SPATA2: variants seen among roughly 807,000 people sequenced by gnomAD.
The protein encoded by SPATA2 is spermatogenesis associated 2.
Under a neutral mutation model 35.4 loss-of-function variants are expected in SPATA2, and 8 were observed. The observed-to-expected ratio is 0.23, with a 90% confidence interval of 0.13 to 0.41. The LOEUF (loss-of-function observed/expected upper bound fraction) is 0.41. Ranked by LOEUF, SPATA2 falls within the 10% of genes least tolerant of loss-of-function variation. The pLI, the probability that SPATA2 is intolerant of heterozygous loss-of-function variation, is 1.00. For missense variants in SPATA2, 650 were observed against 698.7 expected (o/e 0.93, Z 0.79); for synonymous variants, 293 against 300.9 (o/e 0.97, Z 0.27).
At chr20:49,909,263 T>C (rs1288442610) in intron 1 of SPATA2, among the ~76,000 whole-genome samples, 2 of 151,972 alleles carry the variant, frequency 1.3e-5, no homozygotes, top group Non-Finnish European at 2.9e-5. Flanking sequence ...CCTCAAGTGA[T>C]CCACCAGCCT....
chr20:49,908,544 G>A lies in SPATA2; in HGVS notation c.-54C>T. ...CCATGGCTTCTGGATTAGAGGCAGG[G>A]ACATCACTAAAAGCATGGACATGTT... On this transcript the variant is annotated 5_prime_UTR_variant, in exon 2 of 3. Coordinates refer to ENST00000289431, the MANE Select transcript of SPATA2 (RefSeq NM_006038.4). 6.9e-7 allele frequency: 1 copy of A among 1,441,382 alleles called. No homozygotes were observed. Among genetic ancestry groups the A allele is most frequent in the Non-Finnish European group, 9.5e-7 (1 of 1,053,698 alleles). 89.3% of individuals were successfully genotyped at this position (1,441,382 alleles called of 1,614,324 possible). A position where few individuals can be genotyped will look rare whatever the true frequency, so the allele number is the denominator to read the frequency against.
intron 1 of SPATA2, chr20:49,913,873 G>A (rs1325558977): frequency 6.6e-6 from 1 of 152,060 alleles, no homozygotes; most frequent in Non-Finnish European, 1.5e-5. Flanking sequence ...TCTGAGCACA[G>A]AGCCAGCAAT....
intron 2 of SPATA2, among the ~76,000 whole-genome samples, 174 bp downstream of exon 2, chr20:49,907,981 G>A (rs1261459596): frequency 6.6e-6 from 1 of 152,234 alleles, no homozygotes; most frequent in Non-Finnish European, 1.5e-5. Context: ...AGGTGTGGCA[G>A]CCGGGCCAGA....
intron 1 of SPATA2, among the ~76,000 whole-genome samples, chr20:49,911,402 G>A (rs562238432): frequency 2.0e-5 from 3 of 152,022 alleles, no homozygotes; most frequent in Admixed American, 6.6e-5. Flanking sequence ...GGTGGCTCAC[G>A]CCTGTAATCT....
At position 49,906,326 on chromosome 20, in the gene SPATA2, C is replaced by G; in HGVS notation, c.856G>C (p.Asp286His). 3.7e-6 allele frequency: 6 copies of G among 1,605,664 alleles called. No individual in the cohort carries two copies. Among genetic ancestry groups the G allele is most frequent in the East Asian group, 2.2e-5 (1 of 44,766 alleles). ...GGGCGGATGATCTCATCCTTGAGGT[C>G]GTCCCCCACATCCGTTGCCACAGGC... Reference protein sequence around the residue: ...KEPVATDVGDDLKDEIIRPSP... With the variant: ...KEPVATDVGDHLKDEIIRPSP... Residue 286 changes from aspartate (D) to histidine (H), a missense_variant, in exon 3 of 3, where the codon GAC (aspartate) becomes CAC (histidine). Coordinates refer to ENST00000289431, the MANE Select transcript of SPATA2 (RefSeq NM_006038.4). The surrounding 1 kb of genome is among the most constrained non-coding windows in gnomAD (Gnocchi z 8.2).
In SPATA2 at chr20:49,905,660, T is replaced by C. The variant is rs1359039196; in HGVS notation, c.1522A>G (p.Asn508Asp). ...TGGGAGAGCTGGGTGGACTTGTAGT[T>C]CAGCTGGTTGTTGGGCATGAACTTG... ...LHKFMPNNQL[N>D]YKSTQLSHLV... The change falls in exon 3 of 3, where the codon AAC (asparagine) becomes GAC (aspartate). Residue 508 changes from asparagine (N) to aspartate (D), a missense_variant. Transcript: ENST00000289431. 1.2e-6 allele frequency: 2 copies of C among 1,614,100 alleles called. No individual in the cohort carries two copies. The highest frequency in any genetic ancestry group is 8.5e-7 in the Non-Finnish European group (1 of 1,180,040).
chr20:49,907,961 T>C (rs1568907480), intron 2 of SPATA2, among the ~76,000 whole-genome samples, 194 bp downstream of exon 2: 2 of 152,196 alleles, frequency 1.3e-5, no homozygotes, highest in African/African-American at 2.4e-5. Context: ...CTTCCCAGCT[T>C]CTCTGCTTAA....
chr20:49,908,115 GAGA>G (rs767967891), intron 2 of SPATA2, 37 bp downstream of exon 2: 19 of 1,547,248 alleles, frequency 1.2e-5, no homozygotes, highest in East Asian at 6.8e-5. Flanking sequence ...GGCAGGAAGA[GAGA>G]AGGAGGGCCT....
chr20:49,905,691 C>T lies in SPATA2; in HGVS notation c.1491G>A (p.Glu497=). ...YHYDPCYKKS[E]LHKFMPNNQL... ...GGTTGTTGGGCATGAACTTGTGCAG[C>T]TCACTCTTTTTGTAGCAGGGGTCAT... Residue 497 remains glutamate (E), a synonymous_variant, in exon 3 of 3, where the codon GAG becomes GAA. Coordinates refer to ENST00000289431, the MANE Select transcript of SPATA2 (RefSeq NM_006038.4). 2 of 1,614,234 alleles carry T rather than the reference C, an allele frequency of 1.2e-6. No homozygotes were observed. Among genetic ancestry groups the T allele is most frequent in the Non-Finnish European group, 8.5e-7 (1 of 1,180,048 alleles).
chr20:49,914,941 G>A (rs2146839080), intron 1 of SPATA2, among the ~76,000 whole-genome samples: 1 of 152,294 alleles, frequency 6.6e-6, no homozygotes, highest in East Asian at 1.9e-4. Flanking sequence ...CTCCACTCCA[G>A]CCCTAGCAAC....
intron 1 of SPATA2, among the ~76,000 whole-genome samples, chr20:49,910,177 C>T (rs992143905): frequency 1.3e-5 from 2 of 152,224 alleles, no homozygotes; most frequent in Admixed American, 1.3e-4. Context: ...CGCAGGGTCA[C>T]GGACACGGGG....
At chr20:49,912,481 T>C (rs142713283) in intron 1 of SPATA2, among the ~76,000 whole-genome samples, 18 of 152,330 alleles carry the variant, frequency 1.2e-4, no homozygotes, top group African/African-American at 2.4e-4. Context: ...CTGGAGAGGA[T>C]AGTCACACAT....
At position 49,906,223 on chromosome 20, in the gene SPATA2, C is replaced by T. The variant is rs751566309; in HGVS notation, c.959G>A (p.Gly320Asp). 5.1e-6 allele frequency: 8 copies of T among 1,569,858 alleles called. No individual in the cohort carries two copies. The highest frequency in any genetic ancestry group is 1.8e-5 in the Admixed American group (1 of 56,466). The part of the protein sequence containing the change: ...DVLPPASPSN[G>D]PALLRGTYFS... ...GTAGGTACCGCGCAGCAGGGCCGGG[C>T]CGTTGCTGGGGGAGGCGGGTGGAAG... is the stretch of plus-strand genomic sequence containing the variant. Residue 320 changes from glycine (G) to aspartate (D), a missense_variant, in exon 3 of 3, where the codon GGC becomes GAC. By Grantham distance (94) the Gly-to-Asp change is moderately conservative (BLOSUM62 -1). Coordinates refer to ENST00000289431, the MANE Select transcript of SPATA2 (RefSeq NM_006038.4). The surrounding 1 kb of genome is among the most constrained non-coding windows in gnomAD (Gnocchi z 8.2).
intron 1 of SPATA2, among the ~76,000 whole-genome samples, chr20:49,909,075 T>C (rs1311123572): frequency 6.6e-6 from 1 of 151,984 alleles, no homozygotes; most frequent in Non-Finnish European, 1.5e-5. Flanking sequence ...CAGGCTGGAG[T>C]GCAGTGGCGT....
At chr20:49,914,561 C>T (rs2090198832) in intron 1 of SPATA2, among the ~76,000 whole-genome samples, 2 of 152,170 alleles carry the variant, frequency 1.3e-5, no homozygotes, top group South Asian at 4.1e-4. Context: ...TCCAAGGCAC[C>T]TTCCACTGGC....
At chr20:49,910,664 A>G (rs2090177780) in intron 1 of SPATA2, among the ~76,000 whole-genome samples, 1 of 152,142 alleles carries the variant, frequency 6.6e-6, no homozygotes, top group Admixed American at 6.5e-5. Flanking sequence ...ACCTGTGTTC[A>G]GCTAGGAAGG....
chr20:49,907,078 T>A (rs1222061743), intron 2 of SPATA2, among the ~76,000 whole-genome samples: 1 of 152,196 alleles, frequency 6.6e-6, no homozygotes, highest in Non-Finnish European at 1.5e-5. Flanking sequence ...TTCTTTTGTT[T>A]GAGACGGAGT....
rs2090160641 is a variant in SPATA2 at position 49,908,304 on chromosome 20, GC to G, written c.186del (p.Leu63Ter). ...LHKVDPFYRF[R>X]LIQFYEVVES... ...TCCACCACCTCATAGAACTGGATCA[GC>G]CGGAATCGATAAAAGGGATCCACCT... On this transcript the variant is annotated frameshift_variant, in exon 2 of 3. Transcript: ENST00000289431. LOFTEE classifies it high-confidence loss of function. 1 of 1,614,128 alleles carries G rather than the reference GC, an allele frequency of 6.2e-7. No individual in the cohort carries two copies. The highest frequency in any genetic ancestry group is 1.3e-5 in the African/African-American group (1 of 74,956).
intron 2 of SPATA2, among the ~76,000 whole-genome samples, chr20:49,907,610 C>A: frequency 6.7e-6 from 1 of 148,482 alleles, no homozygotes; most frequent in South Asian, 2.1e-4. Context: ...ACCACTCCTC[C>A]CATGGCAGAA....
Sources: allele counts gnomAD v4.1 joint callset (sites outside exome capture counted in the v4.1 genomes callset), GRCh38; gene constraint gnomAD v4.1.1; non-coding constraint Gnocchi (gnomAD v3.1); transcripts MANE v1.5; gene names NCBI Gene and HGNC (gene_info 2026-07-23, HGNC 2026-07-21).